The following TPO variants were observed in gnomAD, a reference collection of about 807,000 sequenced individuals.
TPO encodes thyroid microsomal antigen.
TPO carries 78 observed loss-of-function variants against 96.9 expected under a neutral mutation model. The ratio of observed to expected loss-of-function variants is 0.81; its 90% CI spans 0.67 to 0.97. The LOEUF (loss-of-function observed/expected upper bound fraction) is 0.97. TPO is among the 50% of genes least tolerant of loss of function. The pLI is 0.00. For synonymous variants in TPO, 547 were observed against 538.0 expected, an observed-to-expected ratio of 1.02 and a Z score of -0.23; for missense variants, 1,252 against 1,274.8, an observed-to-expected ratio of 0.98 and a Z score of 0.27.
chr2:1,510,803 G>A (rs946375140), intron 14 of TPO, among the ~76,000 whole-genome samples: 1 of 152,276 alleles, frequency 6.6e-6, no homozygotes, highest in African/African-American at 2.4e-5. Context: ...TCCTGTCTCC[G>A]TGGTGATTTA....
intron 1 of TPO, among the ~76,000 whole-genome samples, chr2:1,383,640 A>G (rs1470572551): frequency 6.6e-6 from 1 of 152,152 alleles, no homozygotes; most frequent in African/African-American, 2.4e-5. Context: ...TCAGATGAGT[A>G]GATTGCAAAA....
rs963241531 is a variant in TPO, at chr2:1,436,385, G to A, written c.482+1G>A. ...CCATCACAGGAGCTTGCAACAACAG[G>A]TATTGTTTGTGGATTTTCTTAATCT... On this transcript the variant is annotated splice_donor_variant, in intron 5 of 16. Coordinates refer to ENST00000329066, the MANE Select transcript of TPO (RefSeq NM_001206744.2). LOFTEE classifies it high-confidence loss of function. 2.5e-6 allele frequency: 4 copies of A among 1,614,042 alleles called. No homozygotes were observed. The highest frequency in any genetic ancestry group is 3.4e-6 in the Non-Finnish European group (4 of 1,180,042).
chr2:1,496,288 A>G (rs974360481), intron 12 of TPO, 91 bp downstream of exon 12: 30 of 1,464,446 alleles, frequency 2.0e-5, no homozygotes, highest in Non-Finnish European at 2.5e-5. Flanking sequence ...TTAACTTTTC[A>G]CTGTTTAGAA....
At chr2:1,393,736 A>C (rs1422735810) in intron 1 of TPO, among the ~76,000 whole-genome samples, 1 of 152,266 alleles carries the variant, frequency 6.6e-6, no homozygotes, top group East Asian at 1.9e-4. Flanking sequence ...TACTTTATCC[A>C]GGAAAAAATG....
intron 5 of TPO, among the ~76,000 whole-genome samples, chr2:1,445,877 C>T (rs35682038): frequency 2.4e-5 from 3 of 124,430 alleles, no homozygotes; most frequent in African/African-American, 6.1e-5. Flanking sequence ...CTGCAGGAGG[C>T]ACCGTGTTGG....
intron 3 of TPO, among the ~76,000 whole-genome samples, chr2:1,432,859 A>T (rs2148488283): frequency 6.6e-6 from 1 of 152,040 alleles, no homozygotes; most frequent in African/African-American, 2.4e-5. Flanking sequence ...GGGAGGCCCC[A>T]GATGAGGAGA....
Position 1,516,235 on chromosome 2 carries a change from A to G in TPO, c.2519-648A>G, listed in dbSNP as rs28913005. ...GGCTGCCTCTCTCCTCTGTCCCATC[A>G]GGCCTGCACTTCTCTGTCTGATTCC... On this transcript the variant is annotated intron_variant, in intron 14 of 16. Coordinates refer to ENST00000329066, the MANE Select transcript of TPO (RefSeq NM_001206744.2). 8.3e-3 allele frequency among the ~76,000 whole-genome samples: 1,264 copies of G among 152,230 alleles called. 22 individuals carry two copies. Among genetic ancestry groups the G allele is most frequent in the African/African-American group, 0.029 (1,189 of 41,550 alleles).
At chr2:1,437,448 C>T (rs1256758377) in intron 5 of TPO, among the ~76,000 whole-genome samples, 1 of 36,634 alleles carries the variant, frequency 2.7e-5, no homozygotes. Context: ...AAGGAAGATG[C>T]CCCCCCCGAG....
At chr2:1,477,981 A>C in intron 8 of TPO, 1 of 985,414 alleles carries the variant, frequency 1.0e-6, no homozygotes, top group East Asian at 1.1e-4. Context: ...GCGCACAGCC[A>C]AGCTACGTGC....
chr2:1,519,908 C>T (rs1439688940), intron 15 of TPO, among the ~76,000 whole-genome samples: 2 of 152,082 alleles, frequency 1.3e-5, no homozygotes, highest in African/African-American at 4.8e-5. Flanking sequence ...GAAATGAATA[C>T]CTTTCCAAGG....
chr2:1,417,224 C>G (rs1175081018), intron 2 of TPO, among the ~76,000 whole-genome samples: 1 of 140,812 alleles, frequency 7.1e-6, no homozygotes, highest in East Asian at 2.2e-4. Flanking sequence ...AGTGCCGTGA[C>G]TCACATCTGC....
At chr2:1,514,701 CA>C (rs1161916894) in intron 14 of TPO, among the ~76,000 whole-genome samples, 1 of 152,222 alleles carries the variant, frequency 6.6e-6, no homozygotes, top group Non-Finnish European at 1.5e-5. Flanking sequence ...GGGTATCTCC[CA>C]GAAGCACACA....
rs375314609 is a variant in TPO at position 1,493,838 on chromosome 2, G to T, written c.1805G>T (p.Arg602Leu). 3.1e-6 allele frequency: 5 copies of T among 1,613,936 alleles called. No homozygotes were observed. The highest frequency in any genetic ancestry group is 4.2e-6 in the Non-Finnish European group (5 of 1,180,002). The change falls in exon 11 of 17, where the codon CGC (arginine) becomes CTC (leucine). Residue 602 changes from arginine to leucine, a missense_variant. Arg to Leu is a moderately radical substitution (Grantham distance 102). Coordinates refer to ENST00000329066, the MANE Select transcript of TPO (RefSeq NM_001206744.2). ...NEWREFCGLP[R>L]LETPADLSTA... ...TGGAGGGAGTTCTGCGGCCTGCCTCGCCTGGAGACCCCCGCTGACCTGAGC... is the reference window on the plus strand; with the variant it reads ...TGGAGGGAGTTCTGCGGCCTGCCTCTCCTGGAGACCCCCGCTGACCTGAGC...
chr2:1,505,941 C>T (rs1673408749), intron 14 of TPO, among the ~76,000 whole-genome samples: 1 of 151,238 alleles, frequency 6.6e-6, no homozygotes, highest in African/African-American at 2.4e-5. Context: ...ATACATGTGC[C>T]ATGTTGGTGT....
At chr2:1,440,588 C>T (rs1410748062) in intron 5 of TPO, among the ~76,000 whole-genome samples, 1 of 151,592 alleles carries the variant, frequency 6.6e-6, no homozygotes, top group African/African-American at 2.4e-5. Context: ...TAATGCCACA[C>T]CTGTACTTCT....
chr2:1,421,424 G>A (rs1323273459), intron 2 of TPO, among the ~76,000 whole-genome samples: 1 of 152,038 alleles, frequency 6.6e-6, no homozygotes, highest in Non-Finnish European at 1.5e-5. Flanking sequence ...GCCAGGTGAA[G>A]TGAGCTGCCG....
intron 15 of TPO, among the ~76,000 whole-genome samples, chr2:1,537,869 C>A (rs77859249): frequency 7.5e-5 from 8 of 106,996 alleles, no homozygotes; most frequent in Admixed American, 4.0e-4. Context: ...TCAAATCCCC[C>A]CCACTGTGTG....
chr2:1,428,635 C>T (rs1345922308), intron 3 of TPO, among the ~76,000 whole-genome samples: 2 of 152,128 alleles, frequency 1.3e-5, no homozygotes, highest in Non-Finnish European at 2.9e-5. Context: ...GGTGAGCCCT[C>T]GAGTGGGTGC....
chr2:1,447,952 A>C (rs1403654584), intron 5 of TPO, among the ~76,000 whole-genome samples: 1 of 152,192 alleles, frequency 6.6e-6, no homozygotes, highest in Non-Finnish European at 1.5e-5. Flanking sequence ...TGAGAAAAAG[A>C]CACAGGGACC....
Sources: gnomAD v4.1 joint callset for allele counts (sites outside exome capture counted in the v4.1 genomes callset) on GRCh38, gnomAD v4.1.1 for gene constraint, MANE v1.5 for transcripts, NCBI Gene and HGNC (gene_info 2026-07-23, HGNC 2026-07-21) for gene names.